TSSK2: variants seen among roughly 807,000 people sequenced by gnomAD.
The protein encoded by TSSK2 is testis-specific serine/threonine-protein kinase 2.
In TSSK2, 5 loss-of-function variants were observed where a neutral mutation model predicts 14.2. The observed-to-expected ratio is 0.35, with a 90% CI of 0.18 to 0.74. The LOEUF (loss-of-function observed/expected upper bound fraction) is 0.74, where lower values mean the gene tolerates loss of function less well. TSSK2 is among the 30% of genes least tolerant of loss of function. The pLI is 0.56. For synonymous variants in TSSK2, 209 were observed against 201.9 expected, an observed-to-expected ratio of 1.04 and a Z score of -0.30; for missense variants, 439 against 491.1, an observed-to-expected ratio of 0.89 and a Z score of 1.00.
In TSSK2 at chr22:19,131,317, CG is replaced by C; in HGVS notation, c.-81del. ...CCAGGGCAGCCCAGCCAGACGCCTCCGGTAGTGTAAATGAGGACAATGCCTG... is the reference window on the plus strand; with the variant it reads ...CCAGGGCAGCCCAGCCAGACGCCTCCGTAGTGTAAATGAGGACAATGCCTG... On this transcript the variant is annotated 5_prime_UTR_variant, in exon 1 of 1. Transcript: ENST00000399635. The surrounding 1 kb of genome is among the most constrained non-coding windows in gnomAD (Gnocchi z 5.7). 7.8e-7 allele frequency: 1 copy of C among 1,282,174 alleles called. No individual in the cohort carries two copies. The highest frequency in any genetic ancestry group is 1.9e-4 in the Middle Eastern group (1 of 5,226). 79.4% of individuals were successfully genotyped at this position (1,282,174 alleles called of 1,614,324 possible).
In TSSK2 at chr22:19,131,805, G is replaced by T; in HGVS notation, c.406G>T (p.Asp136Tyr). The stretch of plus-strand genomic sequence containing the variant: ...CCACGACCTGGACATCGTCCACCGG[G>T]ACCTCAAGTGCGAGAACCTTCTCCT... ...YCHDLDIVHR[D>Y]LKCENLLLDK... Residue 136 changes from aspartate to tyrosine, a missense_variant, in exon 1 of 1, where the codon GAC (aspartate) becomes TAC (tyrosine). Coordinates refer to ENST00000399635, the MANE Select transcript of TSSK2 (RefSeq NM_053006.5). This position sits in a 1 kb window ranked among gnomAD's most constrained non-coding sequence, Gnocchi z 5.7. 2 of 1,614,154 alleles carry T rather than the reference G, an allele frequency of 1.2e-6. No individual in the cohort carries two copies. The highest frequency in any genetic ancestry group is 1.7e-6 in the Non-Finnish European group (2 of 1,180,028).
In TSSK2 at chr22:19,131,340, C is replaced by A; in HGVS notation, c.-60C>A. On this transcript the variant is annotated 5_prime_UTR_variant, in exon 1 of 1. Transcript: ENST00000399635. This position sits in a 1 kb window ranked among gnomAD's most constrained non-coding sequence, Gnocchi z 5.7. ...TCCGGTAGTGTAAATGAGGACAATG[C>A]CTGCTGGCCCACATGACGGGGGGAT... 2 of 1,454,712 alleles carry A rather than the reference C, an allele frequency of 1.4e-6. No individual in the cohort carries two copies. The highest frequency in any genetic ancestry group is 2.0e-5 in the Admixed American group (1 of 49,260). 90.1% of individuals were successfully genotyped at this position (1,454,712 alleles called of 1,614,324 possible). A position where few individuals can be genotyped will look rare whatever the true frequency, so the allele number is the denominator to read the frequency against.
At position 19,132,105 on chromosome 22, in the gene TSSK2, C is replaced by T; in HGVS notation, c.706C>T (p.Pro236Ser). 2 of 1,613,028 alleles carry T rather than the reference C, an allele frequency of 1.2e-6. No individual in the cohort carries two copies. Among genetic ancestry groups the T allele is most frequent in the Non-Finnish European group, 1.7e-6 (2 of 1,179,126 alleles). Residue 236 changes from proline (P) to serine (S), a missense_variant, in exon 1 of 1, where the codon CCG becomes TCG. Coordinates refer to ENST00000399635, the MANE Select transcript of TSSK2 (RefSeq NM_053006.5). This position sits in a 1 kb window ranked among gnomAD's most constrained non-coding sequence, Gnocchi z 4.2. ...RIQKEHRVDFPRSKNLTCECK... is the reference protein window; with the variant it reads ...RIQKEHRVDFSRSKNLTCECK... ...CCAGAAGGAGCACCGTGTGGACTTC[C>T]CGCGCTCCAAGAACCTGACCTGCGA...
In TSSK2 at chr22:19,132,492, G is replaced by C; in HGVS notation, c.*16G>C. 1 of 1,588,838 alleles carries C rather than the reference G, an allele frequency of 6.3e-7. No homozygotes were observed. Among genetic ancestry groups the C allele is most frequent in the South Asian group, 1.1e-5 (1 of 87,904 alleles). On this transcript the variant is annotated 3_prime_UTR_variant, in exon 1 of 1. Transcript: ENST00000399635. The surrounding 1 kb of genome is among the most constrained non-coding windows in gnomAD (Gnocchi z 4.2). Reference sequence around the variant, plus strand: ...AAGCACCTAGCATGACAATGGCCCCGTTGTGTGTGGTGGGGGTCGGGGTTG... The same window carrying C: ...AAGCACCTAGCATGACAATGGCCCCCTTGTGTGTGGTGGGGGTCGGGGTTG...
rs1272001696 is a variant in TSSK2 at position 19,132,565 on chromosome 22, G to T, written c.*89G>T. ...TCACGTAAACTAAGTAGGCAGGTAG[G>T]ATCTGAAGAAGGCACAGGTGCAAGT... On this transcript the variant is annotated 3_prime_UTR_variant, in exon 1 of 1. Transcript: ENST00000399635. This position sits in a 1 kb window ranked among gnomAD's most constrained non-coding sequence, Gnocchi z 4.2. The T allele has an allele frequency of 3.0e-6, 4 of 1,342,506 alleles. No homozygotes were observed. In the African/African-American group the frequency reaches 4.4e-5, roughly 15 times the overall value. The allele number at this position is 1,342,506 out of a possible 1,614,324, so 83.2% of individuals were successfully genotyped here. A position where few individuals can be genotyped will look rare whatever the true frequency, so the allele number is the denominator to read the frequency against.
chr22:19,131,468 C>T lies in TSSK2; in HGVS notation c.69C>T (p.Tyr23=), dbSNP rs144960132. 2.2e-5 allele frequency: 36 copies of T among 1,614,114 alleles called. No homozygotes were observed. The highest frequency in any genetic ancestry group is 1.2e-4 in the Admixed American group (7 of 60,024). Residue 23 remains tyrosine, a synonymous_variant, in exon 1 of 1, where the codon TAC becomes TAT. Coordinates refer to ENST00000399635, the MANE Select transcript of TSSK2 (RefSeq NM_053006.5). The surrounding 1 kb of genome is among the most constrained non-coding windows in gnomAD (Gnocchi z 5.7). ...IVGINLGKGS[Y]AKVKSAYSER... is the part of the protein sequence containing the mutation. ...GCATCAATCTTGGCAAGGGTTCCTA[C>T]GCAAAAGTCAAATCTGCCTACTCTG...
chr22:19,131,642 C>T lies in TSSK2; in HGVS notation c.243C>T (p.Thr81=). 6.2e-7 allele frequency: 1 copy of T among 1,614,090 alleles called. No homozygotes were observed. Among genetic ancestry groups the T allele is most frequent in the Non-Finnish European group, 8.5e-7 (1 of 1,180,038 alleles). ...SIIKTYEIFE[T]SDGRIYIIME... is the part of the protein sequence containing the mutation. ...TCAAGACTTACGAGATCTTTGAGAC[C>T]TCTGACGGACGGATCTACATCATCA... The change falls in exon 1 of 1, where the codon ACC becomes ACT. Residue 81 remains threonine, a synonymous_variant. Coordinates refer to ENST00000399635, the MANE Select transcript of TSSK2 (RefSeq NM_053006.5). This position sits in a 1 kb window ranked among gnomAD's most constrained non-coding sequence, Gnocchi z 5.7.
chr22:19,132,264 G>C lies in TSSK2; in HGVS notation c.865G>C (p.Gly289Arg). The C allele has an allele frequency of 6.2e-7, 1 of 1,612,694 alleles. No homozygotes were observed. Among genetic ancestry groups the C allele is most frequent in the Non-Finnish European group, 8.5e-7 (1 of 1,179,182 alleles). The change falls in exon 1 of 1, where the codon GGG becomes CGG. Residue 289 changes from glycine to arginine, a missense_variant. Transcript: ENST00000399635. The surrounding 1 kb of genome is among the most constrained non-coding windows in gnomAD (Gnocchi z 4.2). ...ATSSASFKRE[G>R]EGKYRAECKL... ...GTCTTCTGCCTCCTTCAAGAGGGAG[G>C]GGGAGGGCAAGTACCGCGCTGAGTG...
rs1425746036 is a variant in TSSK2 at position 19,131,736 on chromosome 22, G to A, written c.337G>A (p.Ala113Thr). The change falls in exon 1 of 1, where the codon GCA (alanine) becomes ACA (threonine). Residue 113 changes from alanine (A) to threonine (T), a missense_variant. Ala to Thr is a moderately conservative substitution (Grantham distance 58). Transcript: ENST00000399635. This position sits in a 1 kb window ranked among gnomAD's most constrained non-coding sequence, Gnocchi z 5.7. ...CCAGGGAGCCCTGCATGAGGACGTG[G>A]CACGCAAGATGTTCCGACAGCTCTC... ...KCQGALHEDV[A>T]RKMFRQLSSA... 2 of 1,613,984 alleles carry A rather than the reference G, an allele frequency of 1.2e-6. No homozygotes were observed. Among genetic ancestry groups the A allele is most frequent in the East Asian group, 2.2e-5 (1 of 44,882 alleles).
Position 19,132,019 on chromosome 22 carries a change from ACAT to A in TSSK2, c.624_626del (p.Ile208del). 6.2e-7 allele frequency: 1 copy of A among 1,614,024 alleles called. No individual in the cohort carries two copies. Among genetic ancestry groups the A allele is most frequent in the Non-Finnish European group, 8.5e-7 (1 of 1,179,960 alleles). On this transcript the variant is annotated inframe_deletion, in exon 1 of 1. Transcript: ENST00000399635. This position sits in a 1 kb window ranked among gnomAD's most constrained non-coding sequence, Gnocchi z 4.2. ...ATCTGGAGCCTGGGCGTGATCCTGT[ACAT>A]CATGGTCTGCGGCTCCATGCCCTAT...
chr22:19,132,094 G>C lies in TSSK2; in HGVS notation c.695G>C (p.Arg232Pro). ...ATGCTGCGTATCCAGAAGGAGCACC[G>C]TGTGGACTTCCCGCGCTCCAAGAAC... ...RKMLRIQKEHRVDFPRSKNLT... is the reference protein window; with the variant it reads ...RKMLRIQKEHPVDFPRSKNLT... The change falls in exon 1 of 1, where the codon CGT (arginine) becomes CCT (proline). Residue 232 changes from arginine to proline, a missense_variant. Coordinates refer to ENST00000399635, the MANE Select transcript of TSSK2 (RefSeq NM_053006.5). The surrounding 1 kb of genome is among the most constrained non-coding windows in gnomAD (Gnocchi z 4.2). 6.2e-7 allele frequency: 1 copy of C among 1,613,260 alleles called. No individual in the cohort carries two copies. Among genetic ancestry groups the C allele is most frequent in the Non-Finnish European group, 8.5e-7 (1 of 1,179,326 alleles).
In TSSK2 at chr22:19,131,548, C is replaced by CT; in HGVS notation, c.150dup (p.Asp51Ter). 1 of 1,614,212 alleles carries CT rather than the reference C, an allele frequency of 6.2e-7. No individual in the cohort carries two copies. The highest frequency in any genetic ancestry group is 8.5e-7 in the Non-Finnish European group (1 of 1,180,036). On this transcript the variant is annotated frameshift_variant, in exon 1 of 1. Transcript: ENST00000399635. LOFTEE classifies it high-confidence loss of function. This position sits in a 1 kb window ranked among gnomAD's most constrained non-coding sequence, Gnocchi z 5.7. Reference sequence around the variant, plus strand: ...ATCATCGACCGCAAGAAAACACCTACTGACTTTGTGGAGAGATTCCTTCCT... The same window carrying CT: ...ATCATCGACCGCAAGAAAACACCTACTTGACTTTGTGGAGAGATTCCTTCCT...
rs756466071 is a variant in TSSK2, at chr22:19,132,043, C to T, written c.644C>T (p.Pro215Leu). 1.2e-6 allele frequency: 2 copies of T among 1,613,970 alleles called. No individual in the cohort carries two copies. The highest frequency in any genetic ancestry group is 1.7e-6 in the Non-Finnish European group (2 of 1,179,998). ...TACATCATGGTCTGCGGCTCCATGC[C>T]CTATGACGACTCCGACATCAGGAAG... ...ILYIMVCGSMPYDDSDIRKML... is the reference protein window; with the variant it reads ...ILYIMVCGSMLYDDSDIRKML... Residue 215 changes from proline to leucine, a missense_variant, in exon 1 of 1, where the codon CCC (proline) becomes CTC (leucine). Coordinates refer to ENST00000399635, the MANE Select transcript of TSSK2 (RefSeq NM_053006.5). The surrounding 1 kb of genome is among the most constrained non-coding windows in gnomAD (Gnocchi z 4.2).
chr22:19,132,063 A>T lies in TSSK2; in HGVS notation c.664A>T (p.Arg222Trp), dbSNP rs901789026. The change falls in exon 1 of 1, where the codon AGG (arginine) becomes TGG (tryptophan). Residue 222 changes from arginine to tryptophan, a missense_variant. Transcript: ENST00000399635. This position sits in a 1 kb window ranked among gnomAD's most constrained non-coding sequence, Gnocchi z 4.2. ...GSMPYDDSDI[R>W]KMLRIQKEHR... ...CATGCCCTATGACGACTCCGACATC[A>T]GGAAGATGCTGCGTATCCAGAAGGA... 6.2e-7 allele frequency: 1 copy of T among 1,613,886 alleles called. No homozygotes were observed. The highest frequency in any genetic ancestry group is 1.3e-5 in the African/African-American group (1 of 74,908).
chr22:19,132,504 G>A lies in TSSK2; in HGVS notation c.*28G>A, dbSNP rs1473545009. On this transcript the variant is annotated 3_prime_UTR_variant, in exon 1 of 1. Transcript: ENST00000399635. This position sits in a 1 kb window ranked among gnomAD's most constrained non-coding sequence, Gnocchi z 4.2. ...TGACAATGGCCCCGTTGTGTGTGGT[G>A]GGGGTCGGGGTTGGGGGGCATGGTG... The A allele has an allele frequency of 6.3e-7, 1 of 1,576,108 alleles. No individual in the cohort carries two copies. The highest frequency in any genetic ancestry group is 2.3e-5 in the East Asian group (1 of 44,440).
In TSSK2 at chr22:19,132,511, G is replaced by A. The variant is rs201838544; in HGVS notation, c.*35G>A. The A allele has an allele frequency of 7.3e-5, 114 of 1,560,658 alleles. No homozygotes were observed. Among genetic ancestry groups the A allele is most frequent in the Middle Eastern group, 1.7e-4 (1 of 5,822 alleles). On this transcript the variant is annotated 3_prime_UTR_variant, in exon 1 of 1. Transcript: ENST00000399635. The surrounding 1 kb of genome is among the most constrained non-coding windows in gnomAD (Gnocchi z 4.2). ...GGCCCCGTTGTGTGTGGTGGGGGTC[G>A]GGGTTGGGGGGCATGGTGCAGTCGG...
chr22:19,132,562 T>G lies in TSSK2; in HGVS notation c.*86T>G. 7.3e-7 allele frequency: 1 copy of G among 1,368,472 alleles called. No homozygotes were observed. Among genetic ancestry groups the G allele is most frequent in the South Asian group, 1.4e-5 (1 of 72,564 alleles). The allele number at this position is 1,368,472 out of a possible 1,614,324, so 84.8% of individuals were successfully genotyped here. A position where few individuals can be genotyped will look rare whatever the true frequency, so the allele number is the denominator to read the frequency against. ...CCTTCACGTAAACTAAGTAGGCAGG[T>G]AGGATCTGAAGAAGGCACAGGTGCA... On this transcript the variant is annotated 3_prime_UTR_variant, in exon 1 of 1. Coordinates refer to ENST00000399635, the MANE Select transcript of TSSK2 (RefSeq NM_053006.5). The surrounding 1 kb of genome is among the most constrained non-coding windows in gnomAD (Gnocchi z 4.2).
Position 19,131,825 on chromosome 22 carries a change from T to G in TSSK2, c.426T>G (p.Leu142=). ...ACCGGGACCTCAAGTGCGAGAACCT[T>G]CTCCTCGACAAGGACTTCAACATCA... ...IVHRDLKCEN[L]LLDKDFNIKL... Residue 142 remains leucine (L), a synonymous_variant, in exon 1 of 1, where the codon CTT becomes CTG. Coordinates refer to ENST00000399635, the MANE Select transcript of TSSK2 (RefSeq NM_053006.5). The surrounding 1 kb of genome is among the most constrained non-coding windows in gnomAD (Gnocchi z 5.7). The G allele has an allele frequency of 1.2e-6, 2 of 1,613,968 alleles. No homozygotes were observed. The highest frequency in any genetic ancestry group is 1.7e-6 in the Non-Finnish European group (2 of 1,180,006).
In TSSK2 at chr22:19,131,654, G is replaced by A. The variant is rs1192251137; in HGVS notation, c.255G>A (p.Arg85=). The A allele has an allele frequency of 6.2e-7, 1 of 1,614,058 alleles. No homozygotes were observed. The highest frequency in any genetic ancestry group is 8.5e-7 in the Non-Finnish European group (1 of 1,180,016). ...TYEIFETSDG[R]IYIIMELGVQ... ...AGATCTTTGAGACCTCTGACGGACG[G>A]ATCTACATCATCATGGAGCTTGGCG... The change falls in exon 1 of 1, where the codon CGG becomes CGA. Residue 85 remains arginine, a synonymous_variant. Coordinates refer to ENST00000399635, the MANE Select transcript of TSSK2 (RefSeq NM_053006.5). This position sits in a 1 kb window ranked among gnomAD's most constrained non-coding sequence, Gnocchi z 5.7.
Sources: gnomAD v4.1 joint callset for allele counts on GRCh38, gnomAD v4.1.1 for gene constraint, Gnocchi (gnomAD v3.1) non-coding constraint, MANE v1.5 for transcripts, NCBI Gene and HGNC (gene_info 2026-07-23, HGNC 2026-07-21) for gene names.